The following SP140 variants were observed in gnomAD, a reference collection of about 807,000 sequenced individuals.
SP140 encodes nuclear body protein SP140.
Under a neutral mutation model 125.0 loss-of-function variants are expected in SP140, and 81 were observed. The observed-to-expected ratio is 0.65, with a 90% CI of 0.54 to 0.78. The LOEUF is 0.78. SP140 is among the 30% of genes least tolerant of loss of function. The pLI is 0.00. For synonymous variants in SP140, 312 were observed against 354.0 expected (o/e 0.88, Z 1.33); for missense variants, 858 against 1,037.0 (o/e 0.83, Z 2.37).
rs1319094764 is a variant in SP140, at chr2:230,237,284, G to A, written c.237+24G>A. 1.9e-6 allele frequency: 3 copies of A among 1,604,422 alleles called. No individual in the cohort carries two copies. Among genetic ancestry groups the A allele is most frequent in the Admixed American group, 1.7e-5 (1 of 58,540 alleles). On this transcript the variant is annotated intron_variant, in intron 2 of 26. Coordinates refer to ENST00000392045, the MANE Select transcript of SP140 (RefSeq NM_007237.5). The surrounding 1 kb of genome is among the most constrained non-coding windows in gnomAD (Gnocchi z 5.4). ...AAGTAAGTAAGAATTTCCAAATGAT[G>A]ATAAACCAGGTCCATACTCAATTAT...
intron 1 of SP140, among the ~76,000 whole-genome samples, chr2:230,231,673 G>T (rs1469443126): frequency 2.0e-5 from 3 of 151,866 alleles, no homozygotes; most frequent in African/African-American, 7.3e-5. Context: ...TGCACCTTGG[G>T]CTATTACTTT....
At chr2:230,276,309 A>G (rs1438254031) in intron 15 of SP140, among the ~76,000 whole-genome samples, 1 of 152,188 alleles carries the variant, frequency 6.6e-6, no homozygotes, top group Non-Finnish European at 1.5e-5. Context: ...CCTTGAAGCC[A>G]ATACTCATTC....
chr2:230,312,671 A>T lies in SP140; in HGVS notation c.2591A>T (p.Asn864Ile), dbSNP rs771064100. Residue 864 changes from asparagine (N) to isoleucine (I), a missense_variant, in exon 27 of 27, where the codon AAT (asparagine) becomes ATT (isoleucine). Asn to Ile is a moderately radical substitution (Grantham distance 149, BLOSUM62 -3). Coordinates refer to ENST00000392045, the MANE Select transcript of SP140 (RefSeq NM_007237.5). ...FKEVFAIQET[N>I]GNN ...GAAGTGTTTGCTATTCAGGAAACAA[A>T]TGGGAACAATTGACTGGATTAGTGG... The T allele has an allele frequency of 4.4e-6, 7 of 1,608,400 alleles. No individual in the cohort carries two copies. The highest frequency in any genetic ancestry group is 6.0e-6 in the Non-Finnish European group (7 of 1,175,354).
At chr2:230,235,377 C>T (rs953124309) in intron 1 of SP140, among the ~76,000 whole-genome samples, 1 of 152,198 alleles carries the variant, frequency 6.6e-6, no homozygotes, top group African/African-American at 2.4e-5. Context: ...TAATTCCTTT[C>T]TCTTCATCAT....
chr2:230,308,092 C>T (rs1261635033), intron 22 of SP140, among the ~76,000 whole-genome samples: 1 of 149,904 alleles, frequency 6.7e-6, no homozygotes, highest in African/African-American at 2.4e-5. Context: ...TTCACAGCAA[C>T]CTGGATGGAG....
At chr2:230,225,420 C>G, upstream of SP140, 1 of 313,630 alleles carries the variant, frequency 3.2e-6, no homozygotes, top group Non-Finnish European at 6.2e-6. Flanking sequence ...CATGGCCAGC[C>G]CTGGAGCCTG....
chr2:230,308,916 A>T (rs1001097364), intron 22 of SP140, among the ~76,000 whole-genome samples: 3 of 152,230 alleles, frequency 2.0e-5, no homozygotes, highest in Non-Finnish European at 4.4e-5. Context: ...CAAAGGGCTC[A>T]GTCACAGACT....
the SP140 span, among the ~76,000 whole-genome samples, chr2:230,196,462 T>A: frequency 1.3e-5 from 2 of 152,082 alleles, no homozygotes; most frequent in African/African-American, 4.8e-5. Context: ...AAGAAAAATG[T>A]ATGCATACTT....
At position 230,289,314 on chromosome 2, in the gene SP140, T is replaced by G. The variant is rs1268232012; in HGVS notation, c.1721-1146T>G. 3.9e-5 allele frequency among the ~76,000 whole-genome samples: 6 copies of G among 152,224 alleles called. No individual in the cohort carries two copies. In the East Asian group the frequency reaches 1.2e-3, roughly 29 times the overall value. ...CTTTGCCCACTTTTTGATGGGGTTGTTTTTTTCTTGTAAATTTGTTTTAAG... is the reference window on the plus strand; with the variant it reads ...CTTTGCCCACTTTTTGATGGGGTTGGTTTTTTCTTGTAAATTTGTTTTAAG... On this transcript the variant is annotated intron_variant, in intron 18 of 26. Coordinates refer to ENST00000392045, the MANE Select transcript of SP140 (RefSeq NM_007237.5).
intron 3 of SP140, chr2:230,219,848 A>C: frequency 7.6e-6 from 7 of 923,086 alleles, no homozygotes; most frequent in Non-Finnish European, 9.1e-6. Context: ...AGAGCGAAGA[A>C]TAAAGCAGCA....
chr2:230,289,168 C>A (rs180838606), intron 18 of SP140, among the ~76,000 whole-genome samples: 8 of 152,108 alleles, frequency 5.3e-5, no homozygotes, highest in Non-Finnish European at 1.2e-4. Flanking sequence ...TTCTAACTGG[C>A]GTGAGATGGT....
chr2:230,296,847 C>A (rs1032152633), intron 21 of SP140, among the ~76,000 whole-genome samples: 3 of 152,182 alleles, frequency 2.0e-5, no homozygotes, highest in Admixed American at 2.0e-4. Flanking sequence ...TTGGCCTGTG[C>A]AAACTAGGTC....
the SP140 span, among the ~76,000 whole-genome samples, chr2:230,191,860 G>A: frequency 6.6e-6 from 1 of 152,142 alleles, no homozygotes; most frequent in Non-Finnish European, 1.5e-5. Context: ...CAATATCCCT[G>A]ATGAACATCA....
intron 21 of SP140, among the ~76,000 whole-genome samples, chr2:230,295,626 T>G (rs1335903979): frequency 1.3e-5 from 2 of 152,212 alleles, no homozygotes; most frequent in Admixed American, 1.3e-4. Context: ...GGATCCATTA[T>G]GAACTCCATG....
intron 12 of SP140, among the ~76,000 whole-genome samples, chr2:230,263,110 T>C (rs375495675): frequency 7.9e-5 from 12 of 152,142 alleles, no homozygotes; most frequent in Admixed American, 2.6e-4. Flanking sequence ...CTTAGGTCTA[T>C]TAGTAATTAT....
chr2:230,199,947 G>A (rs557262941), upstream of SP140, among the ~76,000 whole-genome samples: 9 of 152,090 alleles, frequency 5.9e-5, no homozygotes, highest in Admixed American at 2.6e-4. Context: ...CTTACCCAGG[G>A]GATCCTGAAA....
intron 22 of SP140, among the ~76,000 whole-genome samples, chr2:230,304,961 AACAG>A (rs1450730870): frequency 6.6e-6 from 1 of 152,242 alleles, no homozygotes; most frequent in African/African-American, 2.4e-5. Flanking sequence ...TAACAGAATA[AACAG>A]ACAACCCACA....
At chr2:230,299,270 G>A (rs977959024) in intron 22 of SP140, among the ~76,000 whole-genome samples, 2 of 152,196 alleles carry the variant, frequency 1.3e-5, no homozygotes, top group Non-Finnish European at 2.9e-5. Context: ...AGTCCTCAAA[G>A]TGTGAGAGGG....
chr2:230,248,614 A>G (rs1467870688), intron 8 of SP140, among the ~76,000 whole-genome samples: 1 of 152,216 alleles, frequency 6.6e-6, no homozygotes, highest in Admixed American at 6.5e-5. Context: ...AAGAAAAAAG[A>G]CATAGAAACA....
Sources: gnomAD v4.1 joint callset for allele counts (sites outside exome capture counted in the v4.1 genomes callset) on GRCh38, gnomAD v4.1.1 for gene constraint, Gnocchi (gnomAD v3.1) non-coding constraint, MANE v1.5 for transcripts, NCBI Gene and HGNC (gene_info 2026-07-23, HGNC 2026-07-21) for gene names.